The following EVC2 variants were observed in gnomAD, a reference collection of about 807,000 sequenced individuals.
EVC2 encodes limbin.
In EVC2, 148 loss-of-function variants were observed where a neutral mutation model predicts 149.3. The ratio of observed to expected loss-of-function variants is 0.99; its 90% CI spans 0.87 to 1.14. The LOEUF (loss-of-function observed/expected upper bound fraction) is 1.14. EVC2 is among the 50% of genes most tolerant of loss of function. EVC2 has a pLI of 0.00. For synonymous variants in EVC2, 776 were observed against 649.9 expected (o/e 1.19, Z -2.95); for missense variants, 1,854 against 1,627.3 (o/e 1.14, Z -2.40).
Position 5,622,132 on chromosome 4 carries a change from C to T in EVC2, c.2501+405G>A, listed in dbSNP as rs1394652230. The stretch of plus-strand genomic sequence containing the variant: ...TGGCCTAACCGCAAGCTCCCCTTCC[C>T]CCTCTGCTCCTGTGGATCATGTCCC... On this transcript the variant is annotated intron_variant, in intron 14 of 21. Transcript: ENST00000344408. This position sits in a 1 kb window ranked among gnomAD's most constrained non-coding sequence, Gnocchi z 5.8. Among the ~76,000 whole-genome samples, 2 of 152,046 alleles carry T rather than the reference C, an allele frequency of 1.3e-5. No homozygotes were observed. Among genetic ancestry groups the T allele is most frequent in the East Asian group, 3.9e-4 (2 of 5,146 alleles).
chr4:5,672,877 G>T (rs1719738754), intron 7 of EVC2, among the ~76,000 whole-genome samples: 1 of 152,334 alleles, frequency 6.6e-6, no homozygotes, highest in South Asian at 2.1e-4. Context: ...TTGATGCTAA[G>T]TGAAAGACGC....
chr4:5,628,837 A>C (rs1716324453), intron 11 of EVC2, 103 bp from the exon 12 acceptor site: 3 of 1,221,802 alleles, frequency 2.5e-6, no homozygotes, highest in Middle Eastern at 2.8e-4. Flanking sequence ...AAGAAAATAC[A>C]CAAGAAAAGA....
At position 5,615,404 on chromosome 4, in the gene EVC2, T is replaced by A. The variant is rs1196895069; in HGVS notation, c.2829+18A>T. 6.2e-7 allele frequency: 1 copy of A among 1,613,992 alleles called. No homozygotes were observed. Among genetic ancestry groups the A allele is most frequent in the African/African-American group, 1.3e-5 (1 of 74,910 alleles). On this transcript the variant is annotated intron_variant, in intron 16 of 21. Transcript: ENST00000344408. ...CCATGTGCAGAGAGAAACAGCTGGG[T>A]GAAGCAGATGTACTGACCTTTTCCA...
intron 19 of EVC2, among the ~76,000 whole-genome samples, chr4:5,568,979 G>A (rs1345598059): frequency 3.9e-5 from 6 of 152,124 alleles, no homozygotes; most frequent in Admixed American, 6.5e-5. Flanking sequence ...GAGGCCATTA[G>A]GCACCAGGCG....
chr4:5,558,393 C>A (rs1721878538), downstream of EVC2, among the ~76,000 whole-genome samples: 1 of 152,092 alleles, frequency 6.6e-6, no homozygotes, highest in Non-Finnish European at 1.5e-5. Context: ...ACGTGTGGAG[C>A]ACAGGAAGTT....
Position 5,618,631 on chromosome 4 carries a change from C to T in EVC2, c.2553G>A (p.Met851Ile), listed in dbSNP as rs545949431. 3 of 1,612,238 alleles carry T rather than the reference C, an allele frequency of 1.9e-6. No homozygotes were observed. Among genetic ancestry groups the T allele is most frequent in the Admixed American group, 1.7e-5 (1 of 59,840 alleles). Residue 851 changes from methionine to isoleucine, a missense_variant, in exon 15 of 22, where the codon ATG becomes ATA. Physicochemically the swap from Met to Ile is conservative, Grantham distance 10. Transcript: ENST00000344408. The surrounding 1 kb of genome is among the most constrained non-coding windows in gnomAD (Gnocchi z 4.4). ...FSLSEEELLR[M>I]RQEVHGCFAQ... ...CAAAGCAGCCATGGACCTCCTGCCTCATCCTGAGCAGCTCCTCTTCAGACA... is the reference window on the plus strand; with the variant it reads ...CAAAGCAGCCATGGACCTCCTGCCTTATCCTGAGCAGCTCCTCTTCAGACA...
chr4:5,594,354 G>A (rs59697691), intron 16 of EVC2, among the ~76,000 whole-genome samples: 15,129 of 152,086 alleles, frequency 0.099, 1,476 homozygotes, highest in African/African-American at 0.25. Flanking sequence ...TCACACGGCC[G>A]GGTACTCCTC....
chr4:5,599,411 G>A (rs888954470), intron 16 of EVC2, among the ~76,000 whole-genome samples: 3 of 152,186 alleles, frequency 2.0e-5, no homozygotes, highest in Admixed American at 6.5e-5. Flanking sequence ...ATGAGTTCAT[G>A]TCATTTGTAG....
chr4:5,662,977 T>A, intron 9 of EVC2, 130 bp downstream of exon 9: 1 of 1,265,084 alleles, frequency 7.9e-7, no homozygotes, highest in Non-Finnish European at 1.1e-6. Flanking sequence ...ATAGCAGTTG[T>A]TGAATTATGA....
At chr4:5,555,197 G>T (rs1229153963) in intron 21 of EVC2, among the ~76,000 whole-genome samples, 1 of 151,828 alleles carries the variant, frequency 6.6e-6, no homozygotes, top group African/African-American at 2.4e-5. Flanking sequence ...TAGAGTAAGA[G>T]AAAATGATTA....
At chr4:5,632,515 G>A (rs1716622664) in intron 10 of EVC2, among the ~76,000 whole-genome samples, 1 of 152,188 alleles carries the variant, frequency 6.6e-6, no homozygotes, top group African/African-American at 2.4e-5. Flanking sequence ...AAATCAAACT[G>A]CTAGAAAATA....
intron 8 of EVC2, 93 bp downstream of exon 8, chr4:5,665,422 T>G: frequency 6.3e-7 from 1 of 1,594,566 alleles, no homozygotes; most frequent in East Asian, 2.2e-5. Context: ...TCAGCAATGC[T>G]GATGGGGATC....
At chr4:5,681,581 C>T (rs538163549) in intron 6 of EVC2, among the ~76,000 whole-genome samples, 3 of 152,280 alleles carry the variant, frequency 2.0e-5, no homozygotes, top group Admixed American at 6.5e-5. Flanking sequence ...TGTGGAGAAA[C>T]GCTTGGGGTT....
chr4:5,644,253 G>C (rs968734763), intron 9 of EVC2, among the ~76,000 whole-genome samples: 35 of 152,042 alleles, frequency 2.3e-4, no homozygotes, highest in African/African-American at 8.0e-4. Flanking sequence ...CTTTTTTTGA[G>C]TGACCTTTAA....
intron 7 of EVC2, 108 bp from the exon 8 acceptor site, chr4:5,665,757 C>T (rs961956695): frequency 3.3e-6 from 5 of 1,515,832 alleles, no homozygotes; most frequent in Non-Finnish European, 3.6e-6. Context: ...CCAGGGGACT[C>T]GCTTGCATTT....
chr4:5,703,724 G>C (rs1721968854), intron 1 of EVC2, among the ~76,000 whole-genome samples: 1 of 151,984 alleles, frequency 6.6e-6, no homozygotes, highest in Non-Finnish European at 1.5e-5. Context: ...ACACTATTTA[G>C]GAAAATTACA....
chr4:5,700,704 C>T (rs1194847864), intron 1 of EVC2, among the ~76,000 whole-genome samples: 1 of 152,180 alleles, frequency 6.6e-6, no homozygotes, highest in Non-Finnish European at 1.5e-5. Flanking sequence ...GGACTCCAGC[C>T]ACTCTGGGCA....
chr4:5,568,695 T>C, intron 19 of EVC2, 55 bp from the exon 20 acceptor site: 1 of 1,535,014 alleles, frequency 6.5e-7, no homozygotes, highest in Non-Finnish European at 8.8e-7. Flanking sequence ...ACTTGAACCA[T>C]CATTTTTAAT....
intron 21 of EVC2, among the ~76,000 whole-genome samples, chr4:5,545,156 T>A (rs1055268948): frequency 1.3e-5 from 2 of 152,198 alleles, no homozygotes; most frequent in African/African-American, 4.8e-5. Flanking sequence ...TGTGTCCCCA[T>A]GTAGATAGTG....
Sources: allele counts gnomAD v4.1 joint callset (sites outside exome capture counted in the v4.1 genomes callset), GRCh38; gene constraint gnomAD v4.1.1; non-coding constraint Gnocchi (gnomAD v3.1); transcripts MANE v1.5; gene names NCBI Gene and HGNC (gene_info 2026-07-23, HGNC 2026-07-21).